BRAF: variants seen among roughly 807,000 people sequenced by gnomAD.
BRAF encodes the protein serine/threonine-protein kinase B-raf.
A neutral mutation model predicts 104.6 loss-of-function variants in BRAF; 16 were observed. The ratio of observed to expected loss-of-function variants is 0.15; its 90% confidence interval spans 0.10 to 0.23. The LOEUF is 0.23. Ranked by LOEUF, BRAF falls within the 10% of genes least tolerant of loss-of-function variation. The pLI is 1.00. For synonymous variants in BRAF, 310 were observed against 341.6 expected (o/e 0.91, Z 1.02); for missense variants, 541 against 937.3 (o/e 0.58, Z 5.52).
chr7:140,869,349 C>T (rs930374546), intron 1 of BRAF, among the ~76,000 whole-genome samples: 2 of 152,106 alleles, frequency 1.3e-5, no homozygotes, highest in Non-Finnish European at 2.9e-5. Flanking sequence ...TCACTGTTTT[C>T]TGACCAGGCA....
chr7:140,894,055 G>A (rs1191727752), intron 1 of BRAF, among the ~76,000 whole-genome samples: 1 of 152,078 alleles, frequency 6.6e-6, no homozygotes, highest in African/African-American at 2.4e-5. Context: ...GATGGCTTGA[G>A]CCCAGGAGGC....
chr7:140,716,459 C>A (rs1276620433), downstream of BRAF, among the ~76,000 whole-genome samples: 1 of 152,174 alleles, frequency 6.6e-6, no homozygotes, highest in Non-Finnish European at 1.5e-5. Flanking sequence ...TGGACCTAAG[C>A]TAAGTGTAGT....
chr7:140,800,163 T>C lies in BRAF; in HGVS notation c.980+199A>G, dbSNP rs1586208365. Reference sequence around the variant, plus strand: ...CAATATTGATTTTTTCAGGACTGATTCTGAAATAGTCTATGTCAGCTTTAA... The same window carrying C: ...CAATATTGATTTTTTCAGGACTGATCCTGAAATAGTCTATGTCAGCTTTAA... On this transcript the variant is annotated intron_variant, in intron 7 of 19. Transcript: ENST00000644969. The C allele has an allele frequency of 3.7e-6, 3 of 818,732 alleles. No homozygotes were observed. In the East Asian group the frequency reaches 8.5e-5, roughly 23 times the overall value. The allele number at this position is 818,732 out of a possible 1,614,324, so 50.7% of individuals were successfully genotyped here.
At chr7:140,918,177 G>A (rs1817822414) in intron 1 of BRAF, among the ~76,000 whole-genome samples, 1 of 152,144 alleles carries the variant, frequency 6.6e-6, no homozygotes. Flanking sequence ...AACATGTAAA[G>A]CAGATAAATG....
rs372465005 is a variant in BRAF at position 140,790,274 on chromosome 7, A to C, written c.1141-2690T>G. On this transcript the variant is annotated intron_variant, in intron 8 of 19. Coordinates refer to ENST00000644969, the MANE Select transcript of BRAF (RefSeq NM_001374258.1). ...CCACTCTTACAAGTTACTGCTAGTA[A>C]CAACATAAACTTAGATTTTTAAATT... 6.9e-3 allele frequency among the ~76,000 whole-genome samples: 1,052 copies of C among 152,338 alleles called. 9 individuals carry two copies. Among genetic ancestry groups the C allele is most frequent in the South Asian group, 0.017 (81 of 4,830 alleles).
chr7:140,795,149 C>A (rs567207869), intron 7 of BRAF, among the ~76,000 whole-genome samples: 16 of 152,256 alleles, frequency 1.1e-4, no homozygotes, highest in African/African-American at 3.9e-4. Context: ...CAAAATGTTA[C>A]ATTTGTATGC....
chr7:140,715,689 C>G (rs188939057), downstream of BRAF, among the ~76,000 whole-genome samples: 2 of 152,170 alleles, frequency 1.3e-5, no homozygotes, highest in Non-Finnish European at 2.9e-5. Context: ...TGGACCTCCA[C>G]CCGCTGTATA....
chr7:140,796,168 T>G (rs934136652), intron 7 of BRAF, among the ~76,000 whole-genome samples: 1 of 151,904 alleles, frequency 6.6e-6, no homozygotes, highest in Non-Finnish European at 1.5e-5. Context: ...CTGGCCAACA[T>G]AGTAAAACCC....
intron 17 of BRAF, among the ~76,000 whole-genome samples, chr7:140,742,855 T>A (rs567512256): frequency 9.3e-5 from 14 of 151,298 alleles, no homozygotes; most frequent in African/African-American, 3.4e-4. Flanking sequence ...GAATCTACAA[T>A]GAACTCAAAC....
rs1416163509 is a variant in BRAF at position 140,811,702 on chromosome 7, T to G, written c.505-2707A>C. On this transcript the variant is annotated intron_variant, in intron 3 of 19. Transcript: ENST00000644969. ...AATTAGATGTACAAAAAATTTAGTT[T>G]GGTGCAAGCACACTTTTAAGCCAAT... 3.9e-5 allele frequency among the ~76,000 whole-genome samples: 6 copies of G among 152,230 alleles called. No homozygotes were observed. In the East Asian group the frequency reaches 1.2e-3, roughly 29 times the overall value.
downstream of BRAF, among the ~76,000 whole-genome samples, chr7:140,714,567 C>G (rs1279929044): frequency 2.6e-5 from 4 of 152,116 alleles, no homozygotes; most frequent in Non-Finnish European, 5.9e-5. Context: ...GTCTGTGTTG[C>G]CCAAGCTGGT....
At chr7:140,849,601 G>C (rs1808933836) in intron 2 of BRAF, among the ~76,000 whole-genome samples, 1 of 151,326 alleles carries the variant, frequency 6.6e-6, no homozygotes, top group Non-Finnish European at 1.5e-5. Context: ...GGATCACAAA[G>C]TCAGTTCGAG....
chr7:140,877,300 G>GC (rs1295104673), intron 1 of BRAF, among the ~76,000 whole-genome samples: 2 of 107,746 alleles, frequency 1.9e-5, no homozygotes, highest in Admixed American at 2.5e-4. Flanking sequence ...AGATGGGGGG[G>GC]GGGGTGGGTC....
rs1286218423 is a variant in BRAF at position 140,721,622 on chromosome 7, G to C, written c.*4872C>G. 1 of 1,535,614 alleles carries C rather than the reference G, an allele frequency of 6.5e-7. No individual in the cohort carries two copies. The highest frequency in any genetic ancestry group is 8.7e-7 in the Non-Finnish European group (1 of 1,146,618). On this transcript the variant is annotated 3_prime_UTR_variant, in exon 20 of 20. Transcript: ENST00000644969. ...CTGGCCAAGCTACAAATCATCACCT[G>C]AGGCAGAGATGCTACTACCCTCTTC...
At chr7:140,753,845 T>C (rs1586017002) in intron 15 of BRAF, 1 of 372,448 alleles carries the variant, frequency 2.7e-6, no homozygotes, top group East Asian at 5.9e-5. Flanking sequence ...TCTTCAGTTA[T>C]ATCTCAACTA....
At chr7:140,781,492 CT>C in intron 12 of BRAF, 83 bp downstream of exon 11, 1 of 1,270,572 alleles carries the variant, frequency 7.9e-7, no homozygotes, top group Admixed American at 1.7e-5. Context: ...TGAATATTTC[CT>C]TTGATGATAT....
At position 140,725,711 on chromosome 7, in the gene BRAF, A is replaced by AAC. The variant is rs2130830856; in HGVS notation, c.*782_*783insGT. On this transcript the variant is annotated 3_prime_UTR_variant, in exon 20 of 20. Transcript: ENST00000644969. ...CTACATTGTGGAGGAAAAAAAAAAAACCCAAACACTTATCTTCATTGCTGG... is the reference window on the plus strand; with the variant it reads ...CTACATTGTGGAGGAAAAAAAAAAAAACCCCAAACACTTATCTTCATTGCTGG... 9.4e-7 allele frequency: 1 copy of AAC among 1,058,206 alleles called. No homozygotes were observed. Among genetic ancestry groups the AAC allele is most frequent in the Non-Finnish European group, 1.1e-6 (1 of 875,256 alleles). 65.6% of individuals were successfully genotyped at this position (1,058,206 alleles called of 1,614,324 possible).
At chr7:140,874,190 T>G (rs1056778808) in intron 1 of BRAF, among the ~76,000 whole-genome samples, 2 of 151,354 alleles carry the variant, frequency 1.3e-5, no homozygotes, top group Non-Finnish European at 2.9e-5. Context: ...ATCAGTGAGT[T>G]TACATTTTAC....
In BRAF at chr7:140,726,325, C is replaced by A; in HGVS notation, c.*169G>T. The A allele has an allele frequency of 7.0e-7, 1 of 1,430,246 alleles. No homozygotes were observed. The highest frequency in any genetic ancestry group is 9.1e-7 in the Non-Finnish European group (1 of 1,099,910). The allele number at this position is 1,430,246 out of a possible 1,614,324, so 88.6% of individuals were successfully genotyped here. A position where few individuals can be genotyped will look rare whatever the true frequency, so the allele number is the denominator to read the frequency against. On this transcript the variant is annotated 3_prime_UTR_variant, in exon 20 of 20. Coordinates refer to ENST00000644969, the MANE Select transcript of BRAF (RefSeq NM_001374258.1). ...AGAGAATTCTGGTTCCTAAAACATT[C>A]TTTCCTCTTTTGTTGGATGGGAAAT... is the stretch of plus-strand genomic sequence containing the variant.
Sources: allele counts gnomAD v4.1 joint callset (sites outside exome capture counted in the v4.1 genomes callset), GRCh38; gene constraint gnomAD v4.1.1; transcripts MANE v1.5; gene names NCBI Gene and HGNC (gene_info 2026-07-23, HGNC 2026-07-21).